Variants in PARVB observed in about 807,000 individuals in gnomAD.
PARVB encodes parvin beta.
A neutral mutation model predicts 47.0 loss-of-function variants in PARVB; 46 were observed. The ratio of observed to expected loss-of-function variants is 0.98; its 90% CI spans 0.77 to 1.25. The LOEUF is 1.25. PARVB is among the 50% of genes most tolerant of loss of function. The probability of loss-of-function intolerance (pLI) is 0.00; values close to 1 mark genes in which losing one functional copy is unlikely to be tolerated. For synonymous variants in PARVB, 196 were observed against 196.3 expected, an observed-to-expected ratio of 1.00 and a Z score of 0.01; for missense variants, 473 against 471.6, an observed-to-expected ratio of 1.00 and a Z score of -0.03.
At chr22:44,043,534 C>T (rs113456710) in intron 1 of PARVB, among the ~76,000 whole-genome samples, 34 of 152,168 alleles carry the variant, frequency 2.2e-4, no homozygotes, top group African/African-American at 5.8e-4. Context: ...CCCGCCACCA[C>T]GCCTGGCTAA....
intron 2 of PARVB, among the ~76,000 whole-genome samples, chr22:44,003,887 G>A (rs1188567971): frequency 1.3e-5 from 2 of 152,138 alleles, no homozygotes; most frequent in Non-Finnish European, 2.9e-5. Flanking sequence ...CCTTACCTCC[G>A]ATGTCCCCTT....
intron 1 of PARVB, among the ~76,000 whole-genome samples, 164 bp from the exon 2 acceptor site, chr22:44,093,764 G>C (rs2052228525): frequency 6.6e-6 from 1 of 152,218 alleles, no homozygotes; most frequent in African/African-American, 2.4e-5. Context: ...TCTTGGTTCA[G>C]AGCATTTTTC....
chr22:44,096,371 C>T (rs1039335872), intron 2 of PARVB, among the ~76,000 whole-genome samples: 20 of 152,188 alleles, frequency 1.3e-4, no homozygotes, highest in Admixed American at 1.1e-3. Context: ...GCACTCTAGC[C>T]TGGGTAACAG....
At chr22:44,094,057 G>C (rs777743966) in intron 2 of PARVB, 40 bp downstream of exon 2, 3 of 1,278,714 alleles carry the variant, frequency 2.3e-6, no homozygotes, top group Non-Finnish European at 3.4e-6. Context: ...AGACAGTTGA[G>C]CTTCCGTGGC....
intron 3 of PARVB, among the ~76,000 whole-genome samples, chr22:44,118,180 A>T (rs753666959): frequency 6.6e-6 from 1 of 152,224 alleles, no homozygotes; most frequent in Admixed American, 6.5e-5. Context: ...CAAGGGATGG[A>T]GAAACAAAAT....
intron 1 of PARVB, among the ~76,000 whole-genome samples, chr22:44,063,920 C>T (rs866270023): frequency 6.6e-6 from 1 of 152,214 alleles, no homozygotes; most frequent in Non-Finnish European, 1.5e-5. Context: ...CCAGGCCTCC[C>T]CGGCTTCCCA....
At chr22:44,046,117 G>A (rs1293326163) in intron 1 of PARVB, among the ~76,000 whole-genome samples, 2 of 152,174 alleles carry the variant, frequency 1.3e-5, no homozygotes, top group Non-Finnish European at 2.9e-5. Context: ...TTCAGGGTAC[G>A]AGTCTCTTGC....
chr22:44,140,757 G>T, intron 8 of PARVB: 1 of 347,680 alleles, frequency 2.9e-6, no homozygotes, highest in South Asian at 2.1e-5. Context: ...GCTTGGCCGG[G>T]GGACAGCCCT....
chr22:44,084,068 CCTTCAT>C (rs777759232), intron 1 of PARVB, among the ~76,000 whole-genome samples: 9 of 152,340 alleles, frequency 5.9e-5, no homozygotes, highest in South Asian at 4.1e-4. Context: ...CGATCTGGTG[CCTTCAT>C]CTCCAGGCTC....
At chr22:44,124,771 G>T (rs189471772) in intron 4 of PARVB, among the ~76,000 whole-genome samples, 1 of 152,236 alleles carries the variant, frequency 6.6e-6, no homozygotes, top group Admixed American at 6.5e-5. Context: ...GGCAGGGCTG[G>T]TGACTGGGGT....
intron 3 of PARVB, chr22:44,113,023 ACAT>A (rs1330471165): frequency 1.2e-5 from 1 of 82,640 alleles, no homozygotes. Context: ...CAGCACAGAT[ACAT>A]TGTTACTAAG....
chr22:44,110,800 A>T (rs1370110276), intron 3 of PARVB: 1 of 152,074 alleles, frequency 6.6e-6, no homozygotes, highest in Non-Finnish European at 1.5e-5. Flanking sequence ...GGGTTTCACC[A>T]TGTTGGCCAG....
At chr22:44,057,404 C>CA (rs372191301) in intron 1 of PARVB, among the ~76,000 whole-genome samples, 2 of 152,052 alleles carry the variant, frequency 1.3e-5, no homozygotes, top group African/African-American at 2.4e-5. Flanking sequence ...TCCGTGCTCG[C>CA]AAAAAATCCA....
Position 44,049,169 on chromosome 22 carries a change from G to A in PARVB, c.112+24718G>A, listed in dbSNP as rs981453280. On this transcript the variant is annotated intron_variant, in intron 1 of 12. Coordinates refer to ENST00000338758, the MANE Select transcript of PARVB (RefSeq NM_013327.5). The surrounding 1 kb of genome is among the most constrained non-coding windows in gnomAD (Gnocchi z 4.0). The stretch of plus-strand genomic sequence containing the variant: ...CTCATTTTACGATGAGGAAACTGAG[G>A]CCCTGAGAGAGGGTGAGAAACCAGG... Among the ~76,000 whole-genome samples the A allele has an allele frequency of 6.6e-6, 1 of 152,176 alleles. No homozygotes were observed. Among genetic ancestry groups the A allele is most frequent in the African/African-American group, 2.4e-5 (1 of 41,438 alleles).
In PARVB at chr22:44,150,162, AAAACG is replaced by A. The variant is rs1205828515; in HGVS notation, c.775-1316_775-1312del. On this transcript the variant is annotated intron_variant, in intron 9 of 12. Coordinates refer to ENST00000338758, the MANE Select transcript of PARVB (RefSeq NM_013327.5). ...ACAGAGCGAGACTCCATCTCAAAACAAAACGAAACAAAACAAAACAAAACAAAACA... is the reference window on the plus strand; with the variant it reads ...ACAGAGCGAGACTCCATCTCAAAACAAAACAAAACAAAACAAAACAAAACA... 6.2e-3 allele frequency: 753 copies of A among 121,502 alleles called. 12 individuals are homozygous for A. Among genetic ancestry groups the A allele is most frequent in the African/African-American group, 0.024 (699 of 29,282 alleles). The allele number at this position is 121,502 out of a possible 1,614,324, so 7.5% of individuals were successfully genotyped here.
chr22:44,021,554 A>G (rs1725973960), upstream of PARVB, among the ~76,000 whole-genome samples: 1 of 152,180 alleles, frequency 6.6e-6, no homozygotes, highest in African/African-American at 2.4e-5. Context: ...AGGAAAAAAG[A>G]ACAAATATTG....
At chr22:44,050,532 TTCTC>T (rs1174216754) in intron 1 of PARVB, among the ~76,000 whole-genome samples, 1 of 152,134 alleles carries the variant, frequency 6.6e-6, no homozygotes, top group Non-Finnish European at 1.5e-5. Context: ...GAGATGGGGT[TTCTC>T]CATGTTGGTC....
intron 1 of PARVB, among the ~76,000 whole-genome samples, chr22:44,062,641 A>C (rs1431831752): frequency 2.6e-4 from 39 of 150,966 alleles, no homozygotes; most frequent in Admixed American, 2.6e-4. Flanking sequence ...CTGTCTGGAA[A>C]AAAAAAAAAA....
intron 3 of PARVB, 102 bp downstream of exon 3, chr22:44,100,225 G>A (rs2052410683): frequency 1.1e-6 from 1 of 884,926 alleles, no homozygotes; most frequent in South Asian, 1.4e-5. Flanking sequence ...CGGGGCTCCT[G>A]AAAGGGATGT....
Sources: gnomAD v4.1 joint callset for allele counts (sites outside exome capture counted in the v4.1 genomes callset) on GRCh38, gnomAD v4.1.1 for gene constraint, Gnocchi (gnomAD v3.1) non-coding constraint, MANE v1.5 for transcripts, NCBI Gene and HGNC (gene_info 2026-07-23, HGNC 2026-07-21) for gene names.